The following SHISA9 variants were observed in gnomAD, a reference collection of about 807,000 sequenced individuals.
SHISA9 encodes protein shisa-9.
A neutral mutation model predicts 38.0 loss-of-function variants in SHISA9; 13 were observed. The ratio of observed to expected loss-of-function variants is 0.34; its 90% CI spans 0.22 to 0.54. The LOEUF is 0.54. Among genes scored for constraint, SHISA9 ranks in the 20% least tolerant of loss-of-function variants. The pLI, the probability that SHISA9 is intolerant of heterozygous loss-of-function variation, is 0.91. For synonymous variants in SHISA9, 275 were observed against 242.0 expected (o/e 1.14, Z -1.27); for missense variants, 538 against 575.8 (o/e 0.93, Z 0.67).
chr16:13,422,751 A>G, the SHISA9 span, among the ~76,000 whole-genome samples: 2 of 152,104 alleles, frequency 1.3e-5, no homozygotes, highest in African/African-American at 4.8e-5. Context: ...ACCACCAACA[A>G]CAACAAACAA....
At chr16:13,169,887 C>T (rs902871448) in intron 2 of SHISA9, among the ~76,000 whole-genome samples, 5 of 152,144 alleles carry the variant, frequency 3.3e-5, no homozygotes, top group South Asian at 2.1e-4. Flanking sequence ...TCCTTACATG[C>T]GTATTTAAAA....
chr16:12,979,065 G>T (rs2072206118), intron 2 of SHISA9, among the ~76,000 whole-genome samples: 1 of 152,142 alleles, frequency 6.6e-6, no homozygotes, highest in Non-Finnish European at 1.5e-5. Flanking sequence ...CGTCTAATCA[G>T]TCATCGAGTC....
At chr16:13,333,299 G>A in the SHISA9 span, among the ~76,000 whole-genome samples, 1 of 152,208 alleles carries the variant, frequency 6.6e-6, no homozygotes, top group Non-Finnish European at 1.5e-5. Flanking sequence ...ATCCTCTTCT[G>A]ATTCTTCAGG....
At chr16:13,139,393 C>G (rs991688168) in intron 2 of SHISA9, among the ~76,000 whole-genome samples, 7 of 106,988 alleles carry the variant, frequency 6.5e-5, no homozygotes, top group East Asian at 3.0e-4. Context: ...TCCCTTCCTT[C>G]TTTCCTTCCT....
chr16:13,255,712 C>G, the SHISA9 span, among the ~76,000 whole-genome samples: 6 of 152,266 alleles, frequency 3.9e-5, no homozygotes, highest in Admixed American at 3.3e-4. Context: ...ATCCTTACTA[C>G]TAATTTATTC....
intron 2 of SHISA9, among the ~76,000 whole-genome samples, chr16:13,101,784 T>C (rs8064019): frequency 0.27 from 40,486 of 152,110 alleles, 5,757 homozygotes; most frequent in South Asian, 0.37. Flanking sequence ...TCCTCGCCAA[T>C]ACTTGCTATC....
At chr16:13,024,907 C>T (rs906165146) in intron 2 of SHISA9, among the ~76,000 whole-genome samples, 9 of 152,094 alleles carry the variant, frequency 5.9e-5, no homozygotes, top group African/African-American at 1.9e-4. Flanking sequence ...ATCTCAATTG[C>T]CAATAACATC....
chr16:13,348,877 C>G, the SHISA9 span, among the ~76,000 whole-genome samples: 1 of 151,996 alleles, frequency 6.6e-6, no homozygotes. Context: ...ACTTTGTGGC[C>G]TCACCAGCTT....
chr16:13,006,490 GT>G (rs564666842), intron 2 of SHISA9, among the ~76,000 whole-genome samples: 17 of 152,344 alleles, frequency 1.1e-4, no homozygotes, highest in African/African-American at 4.1e-4. Context: ...CAGAGACTCT[GT>G]CTCCAAGGAC....
the SHISA9 span, among the ~76,000 whole-genome samples, chr16:13,468,390 T>G: frequency 6.6e-6 from 1 of 152,192 alleles, no homozygotes; most frequent in African/African-American, 2.4e-5. Flanking sequence ...AGGGTGCCTA[T>G]GCTTTTTCTT....
intron 2 of SHISA9, among the ~76,000 whole-genome samples, chr16:13,170,118 G>A (rs544636019): frequency 4.0e-5 from 6 of 150,402 alleles, no homozygotes; most frequent in South Asian, 4.2e-4. Flanking sequence ...CAGGAGAATC[G>A]CTTGAACCTG....
the SHISA9 span, among the ~76,000 whole-genome samples, chr16:13,332,350 G>C: frequency 6.6e-6 from 1 of 152,178 alleles, no homozygotes; most frequent in African/African-American, 2.4e-5. Flanking sequence ...GCCCATGAAA[G>C]ACTGGGTGGA....
chr16:13,501,693 A>G, the SHISA9 span, among the ~76,000 whole-genome samples: 1 of 152,194 alleles, frequency 6.6e-6, no homozygotes, highest in South Asian at 2.1e-4. Context: ...GGCACATAAA[A>G]GAGGCTCAAT....
At position 12,984,894 on chromosome 16, in the gene SHISA9, C is replaced by G. The variant is rs79729940; in HGVS notation, c.691+68079C>G. 1.9e-3 allele frequency among the ~76,000 whole-genome samples: 290 copies of G among 152,270 alleles called. 1 individual carries two copies. Among genetic ancestry groups the G allele is most frequent in the African/African-American group, 6.7e-3 (280 of 41,552 alleles). On this transcript the variant is annotated intron_variant, in intron 2 of 4. Transcript: ENST00000558583. ...GGTGCAGGCATAGAAGAGCCCAGTT[C>G]TCTTGCCTCCAGTTGGAACAAACTC... is the stretch of plus-strand genomic sequence containing the variant.
rs372570546 is a variant in SHISA9 at position 13,081,763 on chromosome 16, A to G, written c.692-121631A>G. On this transcript the variant is annotated intron_variant, in intron 2 of 4. Coordinates refer to ENST00000558583, the MANE Select transcript of SHISA9 (RefSeq NM_001145204.3). Reference sequence around the variant, plus strand: ...AGCTACTCAGGAGGCTGAGGCAGAGAACTGCTTGAACCCGGGAGGCAGAGG... The same window carrying G: ...AGCTACTCAGGAGGCTGAGGCAGAGGACTGCTTGAACCCGGGAGGCAGAGG... Among the ~76,000 whole-genome samples, 209 of 151,820 alleles carry G rather than the reference A, an allele frequency of 1.4e-3. 4 individuals are homozygous for G. The highest frequency in any genetic ancestry group is 6.9e-3 in the Middle Eastern group (2 of 290).
chr16:12,933,215 C>G (rs548048412), intron 2 of SHISA9, among the ~76,000 whole-genome samples: 1 of 152,148 alleles, frequency 6.6e-6, no homozygotes, highest in Non-Finnish European at 1.5e-5. Flanking sequence ...TTCCCTGCAT[C>G]GAGTCAGACC....
At chr16:13,273,178 C>T in the SHISA9 span, among the ~76,000 whole-genome samples, 1 of 152,158 alleles carries the variant, frequency 6.6e-6, no homozygotes, top group Non-Finnish European at 1.5e-5. Flanking sequence ...CAGTTTTCAA[C>T]TGTGCATTCC....
At chr16:13,334,386 C>T in the SHISA9 span, among the ~76,000 whole-genome samples, 1 of 152,198 alleles carries the variant, frequency 6.6e-6, no homozygotes, top group Non-Finnish European at 1.5e-5. Context: ...TAGAGTCCTG[C>T]TAGCAGAGGG....
chr16:13,443,333 A>G, the SHISA9 span, among the ~76,000 whole-genome samples: 2 of 152,196 alleles, frequency 1.3e-5, no homozygotes, highest in African/African-American at 2.4e-5. Context: ...ATATAGACCA[A>G]ATGAATTCAT....
Sources: gnomAD v4.1 joint callset for allele counts (sites outside exome capture counted in the v4.1 genomes callset) on GRCh38, gnomAD v4.1.1 for gene constraint, MANE v1.5 for transcripts, NCBI Gene and HGNC (gene_info 2026-07-23, HGNC 2026-07-21) for gene names.